The following NRXN1 variants were observed in gnomAD, a reference collection of about 807,000 sequenced individuals.
NRXN1 encodes neurexin 1, also known as neurexin-1.
Under a neutral mutation model 150.9 loss-of-function variants are expected in NRXN1, and 39 were observed. The ratio of observed to expected loss-of-function variants is 0.26; its 90% CI spans 0.20 to 0.34. NRXN1 has a LOEUF of 0.34. NRXN1 is among the 10% of genes least tolerant of loss of function. The pLI is 1.00. For missense variants in NRXN1, 1,815 were observed against 1,949.9 expected, an observed-to-expected ratio of 0.93 and a Z score of 1.30; for synonymous variants, 924 against 757.0, an observed-to-expected ratio of 1.22 and a Z score of -3.62.
chr2:50,373,140 T>G (rs865902368), intron 17 of NRXN1, among the ~76,000 whole-genome samples: 3 of 151,700 alleles, frequency 2.0e-5, no homozygotes, highest in Admixed American at 1.3e-4. Context: ...TTGGGTAATA[T>G]GATCTCATTC....
chr2:49,925,825 A>C (rs1255502782), intron 22 of NRXN1, among the ~76,000 whole-genome samples: 1 of 152,230 alleles, frequency 6.6e-6, no homozygotes, highest in Admixed American at 6.5e-5. Flanking sequence ...GTTAAAAAAG[A>C]TTTAACTTGT....
chr2:50,329,357 T>A (rs927387316), intron 17 of NRXN1, among the ~76,000 whole-genome samples: 1 of 149,658 alleles, frequency 6.7e-6, no homozygotes, highest in Non-Finnish European at 1.5e-5. Flanking sequence ...ACGATGAGGG[T>A]TTTTTTTTCT....
At chr2:50,584,474 C>T (rs1672780690) in intron 8 of NRXN1, among the ~76,000 whole-genome samples, 1 of 152,274 alleles carries the variant, frequency 6.6e-6, no homozygotes, top group Middle Eastern at 3.4e-3. Context: ...TATTCCCTAC[C>T]AACCATCTAT....
chr2:50,037,935 G>T (rs934204346), intron 21 of NRXN1, among the ~76,000 whole-genome samples: 2 of 152,084 alleles, frequency 1.3e-5, no homozygotes, highest in African/African-American at 4.8e-5. Flanking sequence ...TTGAAAACCA[G>T]ATTAATTGCG....
chr2:50,746,124 G>A (rs867519786), intron 5 of NRXN1, among the ~76,000 whole-genome samples: 16 of 152,172 alleles, frequency 1.1e-4, no homozygotes, highest in Admixed American at 7.9e-4. Context: ...CAGTTTTGCC[G>A]TAGAAAAATT....
chr2:50,978,209 C>T (rs1406763338), intron 2 of NRXN1, among the ~76,000 whole-genome samples: 2 of 140,924 alleles, frequency 1.4e-5, no homozygotes, highest in African/African-American at 5.2e-5. Context: ...GAGGAAAATG[C>T]CATTAAAACT....
At position 50,051,017 on chromosome 2, in the gene NRXN1, C is replaced by T. The variant is rs115320909; in HGVS notation, c.4128+2254G>A. Among the ~76,000 whole-genome samples the T allele has an allele frequency of 2.4e-3, 366 of 151,994 alleles. 1 individual carries two copies. Among genetic ancestry groups the T allele is most frequent in the African/African-American group, 8.1e-3 (335 of 41,530 alleles). On this transcript the variant is annotated intron_variant, in intron 21 of 22. Transcript: ENST00000401669. ...AATAATCTTTTATTTAAGTCAATAT[C>T]TCCTCAAATGAACCAAGTATTCACT...
intron 21 of NRXN1, among the ~76,000 whole-genome samples, chr2:50,005,837 T>C (rs570983478): frequency 5.9e-5 from 9 of 152,296 alleles, no homozygotes; most frequent in Non-Finnish European, 1.2e-4. Flanking sequence ...CTCAGACGCA[T>C]TTCTGCTAAT....
chr2:50,335,974 G>A (rs1457763915), intron 17 of NRXN1, among the ~76,000 whole-genome samples: 1 of 151,548 alleles, frequency 6.6e-6, no homozygotes, highest in Non-Finnish European at 1.5e-5. Context: ...CAATTTATCA[G>A]TTCCTGTGCC....
At chr2:50,451,202 C>T (rs1194768145) in intron 17 of NRXN1, among the ~76,000 whole-genome samples, 1 of 152,194 alleles carries the variant, frequency 6.6e-6, no homozygotes, top group African/African-American at 2.4e-5. Flanking sequence ...CTCCCAGGCT[C>T]AAGCGATCTG....
At chr2:50,573,517 T>A (rs539444071) in intron 8 of NRXN1, among the ~76,000 whole-genome samples, 1 of 152,064 alleles carries the variant, frequency 6.6e-6, no homozygotes, top group Non-Finnish European at 1.5e-5. Flanking sequence ...TTAGAAGGTA[T>A]AAGGTTAACT....
intron 17 of NRXN1, among the ~76,000 whole-genome samples, chr2:50,384,084 CTTTT>C: frequency 6.6e-6 from 1 of 152,318 alleles, no homozygotes; most frequent in South Asian, 2.1e-4. Flanking sequence ...CATTAAATGA[CTTTT>C]TATCTGTTTC....
intron 17 of NRXN1, among the ~76,000 whole-genome samples, chr2:50,361,166 G>C (rs185664958): frequency 6.6e-6 from 1 of 152,216 alleles, no homozygotes; most frequent in East Asian, 1.9e-4. Flanking sequence ...AAGCAGGAAA[G>C]ATCTAAAATC....
chr2:50,724,555 T>G (rs1482032541), intron 5 of NRXN1, among the ~76,000 whole-genome samples: 1 of 152,134 alleles, frequency 6.6e-6, no homozygotes, highest in Non-Finnish European at 1.5e-5. Flanking sequence ...TTAGTCAATC[T>G]GACTAGAAAA....
At chr2:50,109,954 A>T (rs1041110016) in intron 18 of NRXN1, among the ~76,000 whole-genome samples, 1 of 152,226 alleles carries the variant, frequency 6.6e-6, no homozygotes, top group Non-Finnish European at 1.5e-5. Context: ...GATTATATTG[A>T]CAATGGTTTC....
rs1034255589 is a variant in NRXN1 at position 50,874,487 on chromosome 2, T to C, written c.832+47382A>G. ...AAGGGGAGACTTCAGGATTCTTTTC[T>C]TCTAAATTAACTTTGAAATCGTTTT... is the stretch of plus-strand genomic sequence containing the variant. On this transcript the variant is annotated intron_variant, in intron 5 of 22. Transcript: ENST00000401669. 1.8e-4 allele frequency among the ~76,000 whole-genome samples: 28 copies of C among 151,836 alleles called. 1 individual carries two copies. Among genetic ancestry groups the C allele is most frequent in the Admixed American group, 9.9e-4 (15 of 15,200 alleles).
rs1158285459 is a variant in NRXN1 at position 50,447,755 on chromosome 2, A to T, written c.3364+17687T>A. ...GGGAACGTTATATATATATATATAT[A>T]TATATATATATATATATATATATAC... On this transcript the variant is annotated intron_variant, in intron 17 of 22. Transcript: ENST00000401669. Among the ~76,000 whole-genome samples, 9 of 105,934 alleles carry T rather than the reference A, an allele frequency of 8.5e-5. 1 individual carries two copies. The highest frequency in any genetic ancestry group is 2.8e-4 in the East Asian group (1 of 3,566). The allele number at this position is 105,934 out of a possible 152,430, so 69.5% of individuals were successfully genotyped here.
At chr2:49,993,468 A>G (rs1682368420) in intron 21 of NRXN1, among the ~76,000 whole-genome samples, 1 of 152,220 alleles carries the variant, frequency 6.6e-6, no homozygotes, top group South Asian at 2.1e-4. Context: ...TCTGTATGAC[A>G]CTATAATAAT....
chr2:50,505,200 T>C (rs2092157638), intron 13 of NRXN1, among the ~76,000 whole-genome samples: 1 of 152,106 alleles, frequency 6.6e-6, no homozygotes. Flanking sequence ...CAAGGGACGG[T>C]AAGTCAAAAA....
Sources: gnomAD v4.1 joint callset for allele counts (sites outside exome capture counted in the v4.1 genomes callset) on GRCh38, gnomAD v4.1.1 for gene constraint, MANE v1.5 for transcripts, NCBI Gene and HGNC (gene_info 2026-07-23, HGNC 2026-07-21) for gene names.